Variants in ACTR3C observed in about 807,000 individuals in gnomAD.
The protein encoded by ACTR3C is actin-related protein 3C.
ACTR3C carries 18 observed loss-of-function variants against 26.3 expected under a neutral mutation model. The observed-to-expected ratio is 0.68, with a 90% confidence interval of 0.47 to 1.01. The LOEUF is 1.01. Among genes scored for constraint, ACTR3C ranks in the 50% least tolerant of loss-of-function variants. The pLI is 0.00. For missense variants in ACTR3C, 184 were observed against 250.7 expected (o/e 0.73, Z 1.80); for synonymous variants, 55 against 94.5 (o/e 0.58, Z 2.42).
At chr7:150,005,532 AC>A in the ACTR3C span, among the ~76,000 whole-genome samples, 1 of 151,850 alleles carries the variant, frequency 6.6e-6, no homozygotes, top group South Asian at 2.1e-4. Context: ...TGCGTTACTG[AC>A]CCAGTCTCTT....
At chr7:150,242,271 C>T (rs1832229822), downstream of ACTR3C, among the ~76,000 whole-genome samples, 1 of 150,824 alleles carries the variant, frequency 6.6e-6, no homozygotes, top group East Asian at 1.9e-4. Flanking sequence ...GGAAGTACTA[C>T]TCATTGACTG....
At chr7:150,128,096 A>T in the ACTR3C span, among the ~76,000 whole-genome samples, 30,724 of 119,770 alleles carry the variant, frequency 0.26, 5,308 homozygotes, top group African/African-American at 0.5. Flanking sequence ...GTTGCTACCA[A>T]GTGCCTTGAT....
the ACTR3C span, among the ~76,000 whole-genome samples, chr7:149,982,013 T>C: frequency 6.6e-6 from 1 of 152,174 alleles, no homozygotes; most frequent in Non-Finnish European, 1.5e-5. Flanking sequence ...AGCACAGATA[T>C]GAATGCTCAG....
At chr7:150,188,084 C>G in the ACTR3C span, among the ~76,000 whole-genome samples, 5 of 150,844 alleles carry the variant, frequency 3.3e-5, no homozygotes, top group Non-Finnish European at 7.4e-5. Context: ...TGCCCCAGTT[C>G]TGAACTCCAC....
chr7:150,184,447 T>C, the ACTR3C span, among the ~76,000 whole-genome samples: 1 of 150,604 alleles, frequency 6.6e-6, no homozygotes, highest in African/African-American at 2.5e-5. Context: ...GACTGGAACC[T>C]GGGTAACCAT....
chr7:149,982,053 C>T, the ACTR3C span, among the ~76,000 whole-genome samples: 23,349 of 152,112 alleles, frequency 0.15, 3,542 homozygotes, highest in African/African-American at 0.39. Context: ...TAAATCAGGG[C>T]GGACATTCTG....
chr7:150,027,513 C>T, the ACTR3C span, among the ~76,000 whole-genome samples: 1 of 147,790 alleles, frequency 6.8e-6, no homozygotes, highest in East Asian at 2.0e-4. Flanking sequence ...CCTCGTGATC[C>T]GCCCGCCTCG....
intron 1 of ACTR3C, among the ~76,000 whole-genome samples, chr7:150,304,378 G>C (rs1450213669): frequency 6.6e-6 from 1 of 152,132 alleles, no homozygotes; most frequent in East Asian, 1.9e-4. Context: ...ACTTTACCTA[G>C]AGATTTCAAG....
the ACTR3C span, among the ~76,000 whole-genome samples, chr7:150,169,232 A>T: frequency 9.3e-5 from 14 of 149,884 alleles, no homozygotes; most frequent in South Asian, 4.2e-4. Flanking sequence ...ATACAAAAAA[A>T]GTTAGCTGGG....
chr7:149,917,847 C>T, the ACTR3C span, among the ~76,000 whole-genome samples: 12 of 151,498 alleles, frequency 7.9e-5, no homozygotes, highest in Non-Finnish European at 1.5e-4. Context: ...GATTGAGACC[C>T]CTGGTGAGGT....
the ACTR3C span, among the ~76,000 whole-genome samples, chr7:150,172,632 C>T: frequency 6.7e-6 from 1 of 150,080 alleles, no homozygotes. Flanking sequence ...AACAGTCCCC[C>T]AAAGTCTTAA....
chr7:150,016,017 T>TA, the ACTR3C span, among the ~76,000 whole-genome samples: 1 of 151,542 alleles, frequency 6.6e-6, no homozygotes, highest in Non-Finnish European at 1.5e-5. Context: ...TGGCCCTTTC[T>TA]ACATTCCTGT....
At chr7:150,170,312 A>G in the ACTR3C span, among the ~76,000 whole-genome samples, 40 of 150,972 alleles carry the variant, frequency 2.6e-4, no homozygotes, top group Middle Eastern at 3.4e-3. Context: ...CTTGTAACCC[A>G]GTTTTGAAGG....
the ACTR3C span, among the ~76,000 whole-genome samples, chr7:150,175,570 T>C: frequency 1.3e-5 from 2 of 149,880 alleles, no homozygotes; most frequent in African/African-American, 5.1e-5. Context: ...TCCCAGCACC[T>C]TGGGAGGCCA....
At chr7:150,310,133 A>G (rs1024912139) in intron 1 of ACTR3C, among the ~76,000 whole-genome samples, 1 of 152,024 alleles carries the variant, frequency 6.6e-6, no homozygotes, top group Non-Finnish European at 1.5e-5. Flanking sequence ...TTAACAAATT[A>G]TCTGCTTCCC....
chr7:149,978,193 A>G, the ACTR3C span, among the ~76,000 whole-genome samples: 1 of 152,256 alleles, frequency 6.6e-6, no homozygotes, highest in Non-Finnish European at 1.5e-5. Flanking sequence ...TTGTATGAGC[A>G]GTGGCAGCGG....
At chr7:150,196,292 CT>C in the ACTR3C span, among the ~76,000 whole-genome samples, 1 of 151,976 alleles carries the variant, frequency 6.6e-6, no homozygotes, top group Non-Finnish European at 1.5e-5. Flanking sequence ...TGCTCTGTTC[CT>C]TTTATTTTTG....
At chr7:150,099,764 C>A in the ACTR3C span, among the ~76,000 whole-genome samples, 1 of 151,406 alleles carries the variant, frequency 6.6e-6, no homozygotes, top group Non-Finnish European at 1.5e-5. Flanking sequence ...TGGGTCTGGG[C>A]CCGGGCGGCA....
At chr7:149,901,604 C>T in the ACTR3C span, among the ~76,000 whole-genome samples, 1 of 151,674 alleles carries the variant, frequency 6.6e-6, no homozygotes, top group Non-Finnish European at 1.5e-5. Flanking sequence ...TGAATCAAAA[C>T]TAATAAGATT....
Sources: gnomAD v4.1 joint callset for allele counts (sites outside exome capture counted in the v4.1 genomes callset) on GRCh38, gnomAD v4.1.1 for gene constraint, MANE v1.5 for transcripts, NCBI Gene and HGNC (gene_info 2026-07-23, HGNC 2026-07-21) for gene names.